The following RALGPS1 variants were observed in gnomAD, a reference collection of about 807,000 sequenced individuals.
RALGPS1 encodes ras-specific guanine nucleotide-releasing factor RalGPS1.
In RALGPS1, 19 loss-of-function variants were observed where a neutral mutation model predicts 78.8. That is an observed-to-expected ratio of 0.24 (90% CI 0.17 to 0.35). RALGPS1 has a LOEUF of 0.35. RALGPS1 is among the 10% of genes least tolerant of loss of function. The probability of loss-of-function intolerance (pLI) is 1.00; values close to 1 mark genes in which losing one functional copy is unlikely to be tolerated. For missense variants in RALGPS1, 454 were observed against 688.3 expected (o/e 0.66, Z 3.81); for synonymous variants, 228 against 256.3 (o/e 0.89, Z 1.06).
At chr9:127,159,019 G>A (rs2058860530) in intron 8 of RALGPS1, among the ~76,000 whole-genome samples, 1 of 152,096 alleles carries the variant, frequency 6.6e-6, no homozygotes, top group South Asian at 2.1e-4. Flanking sequence ...AAAATAGGTA[G>A]TGGGTGTTAG....
intron 4 of RALGPS1, among the ~76,000 whole-genome samples, chr9:127,018,309 T>TAA (rs61463787): frequency 1.4e-5 from 2 of 145,464 alleles, no homozygotes; most frequent in African/African-American, 2.5e-5. Flanking sequence ...ATAGTTAACT[T>TAA]AAAAAAAAAA....
chr9:127,164,011 G>A (rs547937387), intron 8 of RALGPS1, among the ~76,000 whole-genome samples: 2 of 151,392 alleles, frequency 1.3e-5, no homozygotes, highest in Non-Finnish European at 2.9e-5. Flanking sequence ...TTTTTTCTTT[G>A]ACCTAAGAGT....
intron 7 of RALGPS1, among the ~76,000 whole-genome samples, 199 bp from the exon 8 acceptor site, chr9:127,069,031 C>T (rs907601529): frequency 6.6e-6 from 1 of 152,122 alleles, no homozygotes; most frequent in Non-Finnish European, 1.5e-5. Context: ...GTCCAGTGTC[C>T]AAGCCCCACC....
intron 8 of RALGPS1, among the ~76,000 whole-genome samples, chr9:127,139,157 A>T (rs1333538373): frequency 6.6e-6 from 1 of 152,152 alleles, no homozygotes; most frequent in East Asian, 1.9e-4. Context: ...CCTCAGAGGA[A>T]GGTTTGGCCA....
chr9:126,951,412 A>G (rs1400783640), intron 1 of RALGPS1, among the ~76,000 whole-genome samples: 2 of 151,518 alleles, frequency 1.3e-5, no homozygotes, highest in Non-Finnish European at 2.9e-5. Flanking sequence ...CGATGCAAAA[A>G]TCCTCAATAA....
In RALGPS1 at chr9:127,183,808, G is replaced by A. The variant is rs2140228239; in HGVS notation, c.910+9026G>A. ...GAGGGGCCCTCCATGAGGACCTCAG[G>A]GATAGGAGGCCAGTTGTGGCCCATT... On this transcript the variant is annotated intron_variant, in intron 11 of 18. Coordinates refer to ENST00000259351, the MANE Select transcript of RALGPS1 (RefSeq NM_014636.3). This position sits in a 1 kb window ranked among gnomAD's most constrained non-coding sequence, Gnocchi z 4.0. The A allele has an allele frequency of 6.8e-7, 1 of 1,459,890 alleles. No homozygotes were observed. The highest frequency in any genetic ancestry group is 9.2e-7 in the Non-Finnish European group (1 of 1,086,378). 90.4% of individuals were successfully genotyped at this position (1,459,890 alleles called of 1,614,324 possible).
chr9:126,937,387 A>G (rs2036363184), intron 1 of RALGPS1, among the ~76,000 whole-genome samples: 1 of 152,228 alleles, frequency 6.6e-6, no homozygotes, highest in African/African-American at 2.4e-5. Context: ...ACATGGCCAC[A>G]TAGCTATTCA....
intron 8 of RALGPS1, among the ~76,000 whole-genome samples, chr9:127,127,554 A>G (rs928287283): frequency 2.0e-5 from 3 of 152,178 alleles, no homozygotes; most frequent in Admixed American, 2.0e-4. Flanking sequence ...CAACCCCAAG[A>G]TCCCAGGTTG....
intron 11 of RALGPS1, among the ~76,000 whole-genome samples, chr9:127,182,223 A>G (rs2060270919): frequency 6.6e-6 from 1 of 151,378 alleles, no homozygotes. Flanking sequence ...CTTGTACCTT[A>G]GCTTCCTGAG....
chr9:127,059,469 A>C (rs888616746), intron 7 of RALGPS1, among the ~76,000 whole-genome samples: 4 of 152,156 alleles, frequency 2.6e-5, no homozygotes, highest in Non-Finnish European at 5.9e-5. Context: ...AACAATGGAC[A>C]CTGTTCATAA....
intron 4 of RALGPS1, among the ~76,000 whole-genome samples, chr9:126,996,209 CA>C (rs1263989173): frequency 1.3e-5 from 2 of 151,934 alleles, no homozygotes; most frequent in Admixed American, 1.3e-4. Context: ...AATAGAGACA[CA>C]AAAAACCCTT....
chr9:127,081,898 A>T (rs990457967), intron 8 of RALGPS1, among the ~76,000 whole-genome samples: 1 of 152,234 alleles, frequency 6.6e-6, no homozygotes, highest in African/African-American at 2.4e-5. Flanking sequence ...TGCCACGCAG[A>T]TGGGAGAGAT....
intron 8 of RALGPS1, among the ~76,000 whole-genome samples, chr9:127,071,609 T>C (rs2050209309): frequency 6.6e-6 from 1 of 152,220 alleles, no homozygotes; most frequent in South Asian, 2.1e-4. Context: ...TTTTTCACTT[T>C]AATATAGAAA....
Position 127,211,658 on chromosome 9 carries a change from G to T in RALGPS1, c.1248-473G>T, listed in dbSNP as rs560666879. 6.6e-6 allele frequency among the ~76,000 whole-genome samples: 1 copy of T among 152,210 alleles called. No homozygotes were observed. Among genetic ancestry groups the T allele is most frequent in the African/African-American group, 2.4e-5 (1 of 41,530 alleles). On this transcript the variant is annotated intron_variant, in intron 14 of 18. Coordinates refer to ENST00000259351, the MANE Select transcript of RALGPS1 (RefSeq NM_014636.3). This position sits in a 1 kb window ranked among gnomAD's most constrained non-coding sequence, Gnocchi z 5.0. Reference sequence around the variant, plus strand: ...AGAGCCCGGGAAAGATGTGGGGAATGGTGCGTGTGGGCTCGCGTCCCTCCT... The same window carrying T: ...AGAGCCCGGGAAAGATGTGGGGAATTGTGCGTGTGGGCTCGCGTCCCTCCT...
chr9:127,136,480 G>T (rs2057401047), intron 8 of RALGPS1, among the ~76,000 whole-genome samples: 1 of 152,232 alleles, frequency 6.6e-6, no homozygotes, highest in African/African-American at 2.4e-5. Context: ...ACTCGCTGCA[G>T]AAGTGGAGTT....
chr9:127,213,587 A>T (rs769277709), intron 17 of RALGPS1, among the ~76,000 whole-genome samples: 43 of 152,362 alleles, frequency 2.8e-4, no homozygotes, highest in Non-Finnish European at 4.3e-4. Context: ...CCTGTCCAGT[A>T]GCCCTGTCTT....
chr9:127,183,989 G>C lies in RALGPS1; in HGVS notation c.910+9207G>C, dbSNP rs2060464240. Reference sequence around the variant, plus strand: ...CTCACGAGTACCAGCGGCTCCCCCAGCATCTGCTGCTCCGCGCTCCCCGTG... The same window carrying C: ...CTCACGAGTACCAGCGGCTCCCCCACCATCTGCTGCTCCGCGCTCCCCGTG... On this transcript the variant is annotated intron_variant, in intron 11 of 18. Coordinates refer to ENST00000259351, the MANE Select transcript of RALGPS1 (RefSeq NM_014636.3). This position sits in a 1 kb window ranked among gnomAD's most constrained non-coding sequence, Gnocchi z 4.0. 3 of 1,550,112 alleles carry C rather than the reference G, an allele frequency of 1.9e-6. No homozygotes were observed. The highest frequency in any genetic ancestry group is 1.4e-5 in the African/African-American group (1 of 72,982).
At chr9:127,013,192 T>C (rs2044513422) in intron 4 of RALGPS1, among the ~76,000 whole-genome samples, 2 of 152,038 alleles carry the variant, frequency 1.3e-5, no homozygotes, top group South Asian at 4.2e-4. Context: ...GTGAGCAGAT[T>C]AGTTTGATCT....
At chr9:127,112,221 T>C (rs113347665) in intron 8 of RALGPS1, among the ~76,000 whole-genome samples, 3,582 of 152,342 alleles carry the variant, frequency 0.024, 129 homozygotes, top group African/African-American at 0.082. Flanking sequence ...GAGGTGGGGC[T>C]GCAGTGACGT....
Sources: gnomAD v4.1 joint callset for allele counts (sites outside exome capture counted in the v4.1 genomes callset) on GRCh38, gnomAD v4.1.1 for gene constraint, Gnocchi (gnomAD v3.1) non-coding constraint, MANE v1.5 for transcripts, NCBI Gene and HGNC (gene_info 2026-07-23, HGNC 2026-07-21) for gene names.